Variants in CABP7 observed in about 807,000 individuals in gnomAD.
The protein encoded by CABP7 is calcium-binding protein 7.
CABP7 carries 13 observed loss-of-function variants against 23.1 expected under a neutral mutation model. The observed-to-expected ratio is 0.56, with a 90% CI of 0.37 to 0.90. The LOEUF is 0.90. Among genes scored for constraint, CABP7 ranks in the 40% least tolerant of loss-of-function variants. CABP7 has a pLI of 0.01. For missense variants in CABP7, 248 were observed against 295.6 expected (o/e 0.84, Z 1.18); for synonymous variants, 123 against 115.3 (o/e 1.07, Z -0.43).
At chr22:29,729,026 C>CA in intron 3 of CABP7, 29 bp from the exon 4 acceptor site, 3 of 1,600,068 alleles carry the variant, frequency 1.9e-6, no homozygotes, top group South Asian at 2.2e-5. Flanking sequence ...CGGTGGCTCT[C>CA]AGAGCACCGT....
intron 1 of CABP7, among the ~76,000 whole-genome samples, chr22:29,722,773 G>A (rs2067770396): frequency 6.6e-6 from 1 of 152,250 alleles, no homozygotes; most frequent in South Asian, 2.1e-4. Flanking sequence ...CCCTCTGCCG[G>A]GAGGACGCCA....
chr22:29,724,456 A>G (rs1218127607), intron 1 of CABP7, among the ~76,000 whole-genome samples: 1 of 152,198 alleles, frequency 6.6e-6, no homozygotes, highest in Non-Finnish European at 1.5e-5. Flanking sequence ...CACATGCTTG[A>G]TTTTATTGCT....
chr22:29,722,292 G>A (rs1725386511), intron 1 of CABP7, among the ~76,000 whole-genome samples: 1 of 152,320 alleles, frequency 6.6e-6, no homozygotes, highest in African/African-American at 2.4e-5. Flanking sequence ...GCGAGGGGCC[G>A]CAGGGTGGGC....
In CABP7 at chr22:29,730,149, C is replaced by G. The variant is rs1426333453; in HGVS notation, c.*580C>G. 1.3e-5 allele frequency: 2 copies of G among 153,022 alleles called. No individual in the cohort carries two copies. The highest frequency in any genetic ancestry group is 2.4e-5 in the African/African-American group (1 of 41,436). The allele number at this position is 153,022 out of a possible 1,614,324, so 9.5% of individuals were successfully genotyped here. On this transcript the variant is annotated 3_prime_UTR_variant, in exon 5 of 5. Coordinates refer to ENST00000216144, the MANE Select transcript of CABP7 (RefSeq NM_182527.3). ...TCCTCTGACCCTCGTTGGACCCCAACCCAGACCCCCTTTTCTCCATGTACC... is the reference window on the plus strand; with the variant it reads ...TCCTCTGACCCTCGTTGGACCCCAAGCCAGACCCCCTTTTCTCCATGTACC...
chr22:29,728,778 C>T lies in CABP7; in HGVS notation c.366+36C>T. 4 of 1,444,516 alleles carry T rather than the reference C, an allele frequency of 2.8e-6. 1 individual carries two copies. Among genetic ancestry groups the T allele is most frequent in the South Asian group, 2.3e-5 (2 of 87,404 alleles). The allele number at this position is 1,444,516 out of a possible 1,614,324, so 89.5% of individuals were successfully genotyped here. ...GCTAGTTGGGACCCAGGGCTGTGCA[C>T]ACTGTGGAGTTCTGTTCTGGAGCCA... On this transcript the variant is annotated intron_variant, in intron 3 of 4. Coordinates refer to ENST00000216144, the MANE Select transcript of CABP7 (RefSeq NM_182527.3).
chr22:29,728,977 A>G, intron 3 of CABP7, 78 bp from the exon 4 acceptor site: 1 of 1,543,010 alleles, frequency 6.5e-7, no homozygotes, highest in Non-Finnish European at 8.9e-7. Context: ...GAGGCCTGTC[A>G]CCGGGTCTGT....
At chr22:29,725,007 G>A (rs2067785244) in intron 1 of CABP7, among the ~76,000 whole-genome samples, 1 of 152,156 alleles carries the variant, frequency 6.6e-6, no homozygotes, top group African/African-American at 2.4e-5. Context: ...GCAGGGGAGG[G>A]GGTGGCTCCC....
At position 29,720,549 on chromosome 22, in the gene CABP7, G is replaced by A. The variant is rs1381273875; in HGVS notation, c.109+16G>A. The stretch of plus-strand genomic sequence containing the variant: ...GAGCTGGAGGGTGAGTGTCCGCCGG[G>A]ATCCCCGCCCCGGCGGCCCTCCTAC... On this transcript the variant is annotated intron_variant, in intron 1 of 4. Transcript: ENST00000216144. The surrounding 1 kb of genome is among the most constrained non-coding windows in gnomAD (Gnocchi z 5.2). The A allele has an allele frequency of 1.3e-6, 2 of 1,507,072 alleles. No homozygotes were observed. The highest frequency in any genetic ancestry group is 2.0e-5 in the Admixed American group (1 of 51,012). 93.4% of individuals were successfully genotyped at this position (1,507,072 alleles called of 1,614,324 possible). A position where few individuals can be genotyped will look rare whatever the true frequency, so the allele number is the denominator to read the frequency against.
At chr22:29,726,522 C>T (rs112191349) in intron 1 of CABP7, among the ~76,000 whole-genome samples, 254 of 152,382 alleles carry the variant, frequency 1.7e-3, no homozygotes, top group African/African-American at 5.6e-3. Context: ...GACTCTGGGC[C>T]GGCCGCTGGG....
At chr22:29,721,074 C>T (rs1393650594) in intron 1 of CABP7, among the ~76,000 whole-genome samples, 2 of 152,188 alleles carry the variant, frequency 1.3e-5, no homozygotes, top group African/African-American at 4.8e-5. Context: ...GTAGCCCCTT[C>T]CCTGCAGCCC....
intron 3 of CABP7, 72 bp from the exon 4 acceptor site, chr22:29,728,959 AGAATCTAGAGGCCTGTCACCGGGT>A: frequency 6.8e-7 from 1 of 1,474,102 alleles, no homozygotes; most frequent in Non-Finnish European, 9.3e-7. Context: ...CCAGCCCCCC[AGAATCTAGAGGCCTGTCACCGGGT>A]CTGTATGGCC....
At position 29,730,252 on chromosome 22, in the gene CABP7, AG is replaced by A. The variant is rs2067829749; in HGVS notation, c.*686del. The A allele has an allele frequency of 1.3e-5, 2 of 152,846 alleles. No homozygotes were observed. The highest frequency in any genetic ancestry group is 4.8e-5 in the African/African-American group (2 of 41,544). 9.5% of individuals were successfully genotyped at this position (152,846 alleles called of 1,614,324 possible). On this transcript the variant is annotated 3_prime_UTR_variant, in exon 5 of 5. Coordinates refer to ENST00000216144, the MANE Select transcript of CABP7 (RefSeq NM_182527.3). ...ACTTGGCCTCAGTTCTTCCTTCCACAGGGATTTTCAGGAAAGGCAGAAGCTC... is the reference window on the plus strand; with the variant it reads ...ACTTGGCCTCAGTTCTTCCTTCCACAGGATTTTCAGGAAAGGCAGAAGCTC...
Position 29,731,616 on chromosome 22 carries a change from G to C in CABP7, c.*2047G>C. The C allele has an allele frequency of 2.3e-6, 1 of 442,944 alleles. No homozygotes were observed. The highest frequency in any genetic ancestry group is 4.0e-6 in the Non-Finnish European group (1 of 252,442). The allele number at this position is 442,944 out of a possible 1,614,324, so 27.4% of individuals were successfully genotyped here. A position where few individuals can be genotyped will look rare whatever the true frequency, so the allele number is the denominator to read the frequency against. ...GGAATAACCTTCGTGTCCACCTGTG[G>C]GGGACTGATTCAATACATATGCACG... is the stretch of plus-strand genomic sequence containing the variant. On this transcript the variant is annotated 3_prime_UTR_variant, in exon 5 of 5. Transcript: ENST00000216144.
At chr22:29,721,532 G>C (rs1376570541) in intron 1 of CABP7, among the ~76,000 whole-genome samples, 1 of 152,110 alleles carries the variant, frequency 6.6e-6, no homozygotes. Context: ...GGGCCTCTCG[G>C]GGTACCTTGG....
At chr22:29,722,863 G>T (rs1311776195) in intron 1 of CABP7, among the ~76,000 whole-genome samples, 4 of 152,256 alleles carry the variant, frequency 2.6e-5, no homozygotes, top group African/African-American at 9.6e-5. Flanking sequence ...CGTGCCTGCC[G>T]CAGAAATCCA....
intron 4 of CABP7, 27 bp downstream of exon 4, chr22:29,729,235 G>A (rs764970960): frequency 8.2e-6 from 13 of 1,591,180 alleles, no homozygotes; most frequent in African/African-American, 2.7e-5. Flanking sequence ...GGAACCCCAC[G>A]GGTGGGCCCA....
chr22:29,728,567 C>T (rs1160884048), intron 2 of CABP7, 63 bp from the exon 3 acceptor site: 3 of 1,071,548 alleles, frequency 2.8e-6, no homozygotes, highest in Non-Finnish European at 4.3e-6. Flanking sequence ...CCCAGGACCT[C>T]TGGGCCCTGG....
In CABP7 at chr22:29,731,392, A is replaced by T; in HGVS notation, c.*1823A>T. On this transcript the variant is annotated 3_prime_UTR_variant, in exon 5 of 5. Coordinates refer to ENST00000216144, the MANE Select transcript of CABP7 (RefSeq NM_182527.3). ...AGAGAAGCGGGGAGAATAAGAGTGCACTACAGCCCAGGCTTATGCCACCCC... is the reference window on the plus strand; with the variant it reads ...AGAGAAGCGGGGAGAATAAGAGTGCTCTACAGCCCAGGCTTATGCCACCCC... 1 of 1,531,982 alleles carries T rather than the reference A, an allele frequency of 6.5e-7. No individual in the cohort carries two copies. Among genetic ancestry groups the T allele is most frequent in the African/African-American group, 1.4e-5 (1 of 69,576 alleles). The allele number at this position is 1,531,982 out of a possible 1,614,324, so 94.9% of individuals were successfully genotyped here. A position where few individuals can be genotyped will look rare whatever the true frequency, so the allele number is the denominator to read the frequency against.
rs754330118 is a variant in CABP7 at position 29,731,273 on chromosome 22, T to C, written c.*1704T>C. 56 of 1,518,750 alleles carry C rather than the reference T, an allele frequency of 3.7e-5. No homozygotes were observed. In the Middle Eastern group the frequency reaches 4.0e-3, roughly 108 times the overall value. 94.1% of individuals were successfully genotyped at this position (1,518,750 alleles called of 1,614,324 possible). On this transcript the variant is annotated 3_prime_UTR_variant, in exon 5 of 5. Transcript: ENST00000216144. ...GCAGAGGCCACCCCCCAGGTGGGGG[T>C]GCCCGCAGGGATGGAGGCAGCTCCT... is the stretch of plus-strand genomic sequence containing the variant.
Sources: gnomAD v4.1 joint callset for allele counts (sites outside exome capture counted in the v4.1 genomes callset) on GRCh38, gnomAD v4.1.1 for gene constraint, Gnocchi (gnomAD v3.1) non-coding constraint, MANE v1.5 for transcripts, NCBI Gene and HGNC (gene_info 2026-07-23, HGNC 2026-07-21) for gene names.